Variants in GRIK3 observed in about 807,000 individuals in gnomAD.
GRIK3 encodes the protein glutamate receptor ionotropic, kainate 3.
Under a neutral mutation model 102.5 loss-of-function variants are expected in GRIK3, and 29 were observed. The observed-to-expected ratio is 0.28, with a 90% CI of 0.21 to 0.39. The LOEUF is 0.39. Ranked by LOEUF, GRIK3 falls within the 10% of genes least tolerant of loss-of-function variation. The probability of loss-of-function intolerance (pLI) is 1.00; values close to 1 mark genes in which losing one functional copy is unlikely to be tolerated. For synonymous variants in GRIK3, 511 were observed against 504.9 expected (o/e 1.01, Z -0.16); for missense variants, 908 against 1,252.4 (o/e 0.73, Z 4.15).
chr1:36,926,652 G>C (rs954311550), intron 1 of GRIK3, among the ~76,000 whole-genome samples: 11 of 152,056 alleles, frequency 7.2e-5, no homozygotes, highest in Non-Finnish European at 1.6e-4. Flanking sequence ...GCCTCCCAAA[G>C]TGCTGGGATT....
intron 1 of GRIK3, among the ~76,000 whole-genome samples, chr1:36,937,015 G>A (rs187186496): frequency 6.6e-6 from 1 of 152,340 alleles, no homozygotes; most frequent in Non-Finnish European, 1.5e-5. Context: ...CAATGGACAC[G>A]CAGTGGAGGA....
intron 1 of GRIK3, among the ~76,000 whole-genome samples, chr1:36,968,938 C>G (rs1642109183): frequency 6.6e-6 from 1 of 152,220 alleles, no homozygotes; most frequent in Non-Finnish European, 1.5e-5. Context: ...CCTTTCCAAC[C>G]CTCTCCCAAG....
chr1:36,952,461 C>T (rs574249065), intron 1 of GRIK3, among the ~76,000 whole-genome samples: 15 of 152,326 alleles, frequency 9.8e-5, no homozygotes, highest in African/African-American at 3.6e-4. Flanking sequence ...TCCAGACCAC[C>T]TCTCTCATTA....
At chr1:36,873,980 T>C (rs1640872947) in intron 3 of GRIK3, among the ~76,000 whole-genome samples, 2 of 152,188 alleles carry the variant, frequency 1.3e-5, no homozygotes. Flanking sequence ...CTAATGATCT[T>C]CACTTCAGCC....
At chr1:36,955,570 G>C (rs556522650) in intron 1 of GRIK3, among the ~76,000 whole-genome samples, 22 of 152,200 alleles carry the variant, frequency 1.4e-4, no homozygotes, top group African/African-American at 4.8e-4. Context: ...AGGCTGCCCT[G>C]CTCCATACAA....
intron 1 of GRIK3, among the ~76,000 whole-genome samples, chr1:36,892,515 C>CA (rs11375993): frequency 0.85 from 119,194 of 140,952 alleles, 50,606 homozygotes; most frequent in East Asian, 0.96. Context: ...ATGACCAGCA[C>CA]AAAAAAAAAA....
At chr1:36,975,801 T>A (rs1261813506) in intron 1 of GRIK3, among the ~76,000 whole-genome samples, 1 of 152,208 alleles carries the variant, frequency 6.6e-6, no homozygotes, top group African/African-American at 2.4e-5. Flanking sequence ...TCTTATTTCC[T>A]TGTCTGTTTC....
At chr1:36,988,584 C>T (rs1284768836) in intron 1 of GRIK3, among the ~76,000 whole-genome samples, 1 of 152,238 alleles carries the variant, frequency 6.6e-6, no homozygotes, top group East Asian at 1.9e-4. Flanking sequence ...TGAAGAATAA[C>T]TTTACTCCTG....
chr1:36,880,721 C>A lies in GRIK3; in HGVS notation c.463G>T (p.Asp155Tyr). The change falls in exon 3 of 16, where the codon GAC becomes TAC. Residue 155 changes from aspartate (D) to tyrosine (Y), a missense_variant. This residue lies in a region of GRIK3 where 585 missense variants were observed against 824.9 expected (regional missense o/e 0.71). Coordinates refer to ENST00000373091, the MANE Select transcript of GRIK3 (RefSeq NM_000831.4). This position sits in a 1 kb window ranked among gnomAD's most constrained non-coding sequence, Gnocchi z 5.4. The part of the protein sequence containing the change: ...KDTFYVNLYP[D>Y]YASLSHAILD... The stretch of plus-strand genomic sequence containing the variant: ...ATGGCATGGCTGAGCGAGGCGTAGT[C>A]GGGGTAGAGGTTCACGTAGAAGGTG... 6.2e-7 allele frequency: 1 copy of A among 1,614,128 alleles called. No homozygotes were observed. The highest frequency in any genetic ancestry group is 8.5e-7 in the Non-Finnish European group (1 of 1,179,996).
At chr1:36,832,923 G>A (rs1640326879) in intron 10 of GRIK3, among the ~76,000 whole-genome samples, 1 of 152,174 alleles carries the variant, frequency 6.6e-6, no homozygotes, top group Non-Finnish European at 1.5e-5. Flanking sequence ...CCCAAGGCTA[G>A]GTCCTGGTTA....
intron 1 of GRIK3, among the ~76,000 whole-genome samples, chr1:36,948,058 C>G (rs139605360): frequency 2.4e-4 from 37 of 152,288 alleles, no homozygotes; most frequent in African/African-American, 8.7e-4. Context: ...GGTGGTATTT[C>G]ATCACTTGGC....
At chr1:36,961,977 T>C (rs1405207848) in intron 1 of GRIK3, among the ~76,000 whole-genome samples, 2 of 151,986 alleles carry the variant, frequency 1.3e-5, no homozygotes, top group African/African-American at 4.8e-5. Context: ...AGAGCCAGAG[T>C]CCAGGGTGCT....
intron 5 of GRIK3, among the ~76,000 whole-genome samples, chr1:36,865,672 G>T (rs772624695): frequency 9.2e-5 from 14 of 152,302 alleles, no homozygotes; most frequent in Non-Finnish European, 2.1e-4. Context: ...CATTCTTCCC[G>T]ACCCTCAGAT....
chr1:36,926,054 TG>T (rs1166209533), intron 1 of GRIK3, among the ~76,000 whole-genome samples: 1 of 152,228 alleles, frequency 6.6e-6, no homozygotes, highest in Non-Finnish European at 1.5e-5. Context: ...ATGATGATTT[TG>T]GTAGTCATTG....
chr1:36,877,781 C>T (rs1328425034), intron 3 of GRIK3, among the ~76,000 whole-genome samples: 1 of 152,150 alleles, frequency 6.6e-6, no homozygotes, highest in Non-Finnish European at 1.5e-5. Context: ...TTCACCTATC[C>T]TGCTCCAATC....
chr1:36,817,325 C>G, intron 12 of GRIK3, 48 bp from the exon 13 acceptor site: 1 of 1,295,424 alleles, frequency 7.7e-7, no homozygotes, highest in South Asian at 1.2e-5. Context: ...TCCAGACTAG[C>G]GCTGCTCAAG....
intron 1 of GRIK3, among the ~76,000 whole-genome samples, chr1:37,020,925 C>T (rs1434599403): frequency 6.6e-6 from 1 of 152,160 alleles, no homozygotes; most frequent in Non-Finnish European, 1.5e-5. Context: ...TCTTGCTGAA[C>T]CACACGGTGC....
chr1:36,878,077 C>T (rs1438958024), intron 3 of GRIK3, among the ~76,000 whole-genome samples: 1 of 152,210 alleles, frequency 6.6e-6, no homozygotes, highest in Non-Finnish European at 1.5e-5. Context: ...CTAATCCAAT[C>T]CAGTCCAATC....
chr1:37,018,575 C>T (rs560138352), intron 1 of GRIK3, among the ~76,000 whole-genome samples: 1 of 152,164 alleles, frequency 6.6e-6, no homozygotes, highest in East Asian at 1.9e-4. Flanking sequence ...TCTGGCAGAG[C>T]AGAGACTAAT....
Sources: gnomAD v4.1 joint callset for allele counts (sites outside exome capture counted in the v4.1 genomes callset) on GRCh38, gnomAD v4.1.1 for gene constraint, gnomAD v4.1.1 regional missense constraint, Gnocchi (gnomAD v3.1) non-coding constraint, MANE v1.5 for transcripts, NCBI Gene and HGNC (gene_info 2026-07-23, HGNC 2026-07-21) for gene names.